The following CDKL3 variants were observed in gnomAD, a reference collection of about 807,000 sequenced individuals.
CDKL3 encodes cyclin-dependent kinase-like 3.
CDKL3 carries 65 observed loss-of-function variants against 69.3 expected under a neutral mutation model. That is an observed-to-expected ratio of 0.94 (90% CI 0.77 to 1.15). The LOEUF (loss-of-function observed/expected upper bound fraction) is 1.15. Ranked by LOEUF, CDKL3 falls within the 50% of genes most tolerant of loss-of-function variation. The pLI, the probability that CDKL3 is intolerant of heterozygous loss-of-function variation, is 0.00. For missense variants in CDKL3, 652 were observed against 689.2 expected, an observed-to-expected ratio of 0.95 and a Z score of 0.61; for synonymous variants, 202 against 221.6, an observed-to-expected ratio of 0.91 and a Z score of 0.79.
chr5:134,314,222 T>C (rs751289311), intron 6 of CDKL3, among the ~76,000 whole-genome samples: 12 of 152,142 alleles, frequency 7.9e-5, no homozygotes, highest in Non-Finnish European at 1.3e-4. Flanking sequence ...TTTTAGAATA[T>C]AATGGTAATC....
chr5:134,320,257 C>T (rs557118677), intron 5 of CDKL3, among the ~76,000 whole-genome samples: 1 of 152,190 alleles, frequency 6.6e-6, no homozygotes, highest in East Asian at 1.9e-4. Flanking sequence ...CCTGTAATTA[C>T]AAATTTATGC....
chr5:134,367,854 TAA>T (rs757967815), upstream of CDKL3, among the ~76,000 whole-genome samples: 8 of 152,180 alleles, frequency 5.3e-5, no homozygotes, highest in Admixed American at 2.6e-4. Flanking sequence ...AGCACGGAAA[TAA>T]AGAGGCCAGT....
chr5:134,312,250 C>CA (rs748628624), intron 7 of CDKL3, 42 bp downstream of exon 7: 3 of 1,214,324 alleles, frequency 2.5e-6, no homozygotes, highest in Non-Finnish European at 3.5e-6. Context: ...TTTCCCAATA[C>CA]AAAATGCTTT....
chr5:134,325,300 T>C (rs1046974021), intron 4 of CDKL3, among the ~76,000 whole-genome samples: 1 of 152,220 alleles, frequency 6.6e-6, no homozygotes, highest in Admixed American at 6.5e-5. Flanking sequence ...TGTATACTGC[T>C]AGATAATGAC....
chr5:134,286,318 G>A (rs1217534400), downstream of CDKL3: 1 of 152,884 alleles, frequency 6.5e-6, no homozygotes, highest in Non-Finnish European at 1.5e-5. Context: ...CCTCAGCTTG[G>A]ATTTTATTGT....
At chr5:134,332,254 T>G (rs1369606431) in intron 4 of CDKL3, among the ~76,000 whole-genome samples, 1 of 152,202 alleles carries the variant, frequency 6.6e-6, no homozygotes, top group Non-Finnish European at 1.5e-5. Flanking sequence ...GTCTGTTCAC[T>G]CTGATGATAG....
intron 10 of CDKL3, 75 bp downstream of exon 10, chr5:134,306,534 C>A: frequency 1.1e-6 from 1 of 871,168 alleles, no homozygotes; most frequent in Non-Finnish European, 1.9e-6. Flanking sequence ...GTATTAGAGC[C>A]CTAAAGATAG....
intron 4 of CDKL3, among the ~76,000 whole-genome samples, chr5:134,323,415 A>G (rs1023253596): frequency 6.6e-6 from 1 of 152,236 alleles, no homozygotes; most frequent in Non-Finnish European, 1.5e-5. Flanking sequence ...CAATAGACCC[A>G]GAATAGCCAA....
intron 6 of CDKL3, 64 bp downstream of exon 6, chr5:134,319,294 C>A: frequency 7.8e-7 from 1 of 1,279,394 alleles, no homozygotes; most frequent in South Asian, 1.6e-5. Flanking sequence ...CACTCCACTG[C>A]ACTACAGCCT....
At chr5:134,351,439 G>A (rs1020477528) in intron 3 of CDKL3, among the ~76,000 whole-genome samples, 25 of 152,048 alleles carry the variant, frequency 1.6e-4, no homozygotes. Context: ...AAAGAGATAG[G>A]GTCTTGCTCC....
At chr5:134,295,929 C>T (rs1765326431), downstream of CDKL3, among the ~76,000 whole-genome samples, 1 of 152,196 alleles carries the variant, frequency 6.6e-6, no homozygotes, top group South Asian at 2.1e-4. Context: ...TGGAGTCTCG[C>T]TCTGTTGCCC....
intron 11 of CDKL3, 63 bp downstream of exon 11, chr5:134,304,337 AGTTAT>A: frequency 8.0e-7 from 1 of 1,256,950 alleles, no homozygotes; most frequent in Non-Finnish European, 1.1e-6. Flanking sequence ...ATAAAATGTA[AGTTAT>A]ATTATGAAAA....
intron 3 of CDKL3, among the ~76,000 whole-genome samples, chr5:134,352,890 A>G (rs920792855): frequency 6.6e-6 from 1 of 151,992 alleles, no homozygotes; most frequent in Non-Finnish European, 1.5e-5. Context: ...TCTTCTCTCT[A>G]TTGTTTCCTT....
Position 134,298,612 on chromosome 5 carries a change from G to A in CDKL3, c.*39C>T, listed in dbSNP as rs754415864. 4 of 1,601,104 alleles carry A rather than the reference G, an allele frequency of 2.5e-6. No individual in the cohort carries two copies. In the East Asian group the frequency reaches 8.9e-5, roughly 36 times the overall value. ...GTAGATAAATAAAACGGGAAGAGTT[G>A]TCATCTTGTATTTTTTGGACTATGT... On this transcript the variant is annotated 3_prime_UTR_variant, in exon 13 of 13. Transcript: ENST00000265334.
upstream of CDKL3, among the ~76,000 whole-genome samples, chr5:134,370,320 T>C (rs1384960630): frequency 2.0e-5 from 3 of 152,214 alleles, no homozygotes; most frequent in African/African-American, 7.2e-5. Context: ...ATTCAAGGTC[T>C]TTGGGAGGTC....
chr5:134,302,550 A>G, intron 12 of CDKL3, 40 bp downstream of exon 12: 1 of 1,053,968 alleles, frequency 9.5e-7, no homozygotes, highest in Non-Finnish European at 1.4e-6. Flanking sequence ...AGTCCTCTAA[A>G]CAACATGCCT....
intron 3 of CDKL3, among the ~76,000 whole-genome samples, chr5:134,355,222 G>A (rs1005933374): frequency 1.5e-5 from 2 of 131,606 alleles, no homozygotes; most frequent in South Asian, 4.9e-4. Context: ...GACGGAGCAA[G>A]ACTCTGTCTC....
chr5:134,353,553 CTT>C (rs201057745), intron 3 of CDKL3, among the ~76,000 whole-genome samples: 42 of 138,796 alleles, frequency 3.0e-4, no homozygotes, highest in Admixed American at 5.8e-4. Flanking sequence ...GATCATGTCA[CTT>C]TTTTTTTTTT....
At chr5:134,314,976 T>C (rs1183422327) in intron 6 of CDKL3, among the ~76,000 whole-genome samples, 1 of 152,180 alleles carries the variant, frequency 6.6e-6, no homozygotes, top group Non-Finnish European at 1.5e-5. Flanking sequence ...TAAGTATGTA[T>C]AGTTTACTGC....
Sources: gnomAD v4.1 joint callset for allele counts (sites outside exome capture counted in the v4.1 genomes callset) on GRCh38, gnomAD v4.1.1 for gene constraint, MANE v1.5 for transcripts, NCBI Gene and HGNC (gene_info 2026-07-23, HGNC 2026-07-21) for gene names.